The following VARS1 variants were observed in gnomAD, a reference collection of about 807,000 sequenced individuals.
VARS1 encodes valine--tRNA ligase.
A neutral mutation model predicts 161.0 loss-of-function variants in VARS1; 92 were observed. That is an observed-to-expected ratio of 0.57 (90% CI 0.48 to 0.68). The LOEUF (loss-of-function observed/expected upper bound fraction) is 0.68. Among genes scored for constraint, VARS1 ranks in the 30% least tolerant of loss-of-function variants. The pLI, the probability that VARS1 is intolerant of heterozygous loss-of-function variation, is 0.00. For missense variants in VARS1, 1,338 were observed against 1,695.9 expected, an observed-to-expected ratio of 0.79 and a Z score of 3.71; for synonymous variants, 595 against 682.5, an observed-to-expected ratio of 0.87 and a Z score of 2.00.
chr6:31,789,479 G>A (rs1813728043), intron 8 of VARS1, among the ~76,000 whole-genome samples: 1 of 152,138 alleles, frequency 6.6e-6, no homozygotes, highest in South Asian at 2.1e-4. Context: ...TAGCAAGGGT[G>A]GGGAAATGAA....
At position 31,791,798 on chromosome 6, in the gene VARS1, C is replaced by T; in HGVS notation, c.973-61G>A. ...TCAGGTCACCTCTCCCAGCCCCTCCCAGGCAACACATCCTTCAGTCCTGCC... is the reference window on the plus strand; with the variant it reads ...TCAGGTCACCTCTCCCAGCCCCTCCTAGGCAACACATCCTTCAGTCCTGCC... On this transcript the variant is annotated intron_variant, in intron 7 of 29. Transcript: ENST00000375663. The surrounding 1 kb of genome is among the most constrained non-coding windows in gnomAD (Gnocchi z 5.0). The T allele has an allele frequency of 6.2e-7, 1 of 1,613,016 alleles. No homozygotes were observed. The highest frequency in any genetic ancestry group is 8.5e-7 in the Non-Finnish European group (1 of 1,180,008).
Position 31,795,154 on chromosome 6 carries a change from C to A in VARS1, c.64G>T (p.Ala22Ser). Residue 22 changes from alanine (A) to serine (S), a missense_variant, in exon 2 of 30, where the codon GCT becomes TCT. Physicochemically the swap from Ala to Ser is moderately conservative, Grantham distance 99. Around this residue, in one of 3 missense-constraint regions of VARS1, gnomAD observed 902 missense variants for 1,090.3 expected, o/e 0.83. Transcript: ENST00000375663. This position sits in a 1 kb window ranked among gnomAD's most constrained non-coding sequence, Gnocchi z 6.9. The stretch of plus-strand genomic sequence containing the variant: ...CCCTCCCCAGCCTCCCCATAGCGAG[C>A]GGCTATGAGGGCTCGGAGGCTGGGG... Reference protein sequence around the residue: ...AFPSLRALIAARYGEAGEGPG... With the variant: ...AFPSLRALIASRYGEAGEGPG... The A allele has an allele frequency of 6.7e-7, 1 of 1,483,186 alleles. No individual in the cohort carries two copies. The highest frequency in any genetic ancestry group is 9.0e-7 in the Non-Finnish European group (1 of 1,116,754). 91.9% of individuals were successfully genotyped at this position (1,483,186 alleles called of 1,614,324 possible).
Position 31,782,649 on chromosome 6 carries a change from G to A in VARS1, c.1888-16C>T. The A allele has an allele frequency of 6.2e-7, 1 of 1,613,074 alleles. No homozygotes were observed. Among genetic ancestry groups the A allele is most frequent in the East Asian group, 2.2e-5 (1 of 44,886 alleles). ...TGGGCAGGCCCTGGGTAGGAATGAG[G>A]CCTCATCATGGCGATGCCCAGCCAT... On this transcript the variant is annotated splice_polypyrimidine_tract_variant and intron_variant, in intron 15 of 29. Coordinates refer to ENST00000375663, the MANE Select transcript of VARS1 (RefSeq NM_006295.3). The surrounding 1 kb of genome is among the most constrained non-coding windows in gnomAD (Gnocchi z 8.3).
chr6:31,791,500 G>A lies in VARS1; in HGVS notation c.1100+110C>T, dbSNP rs932208198. On this transcript the variant is annotated intron_variant, in intron 8 of 29. Transcript: ENST00000375663. The surrounding 1 kb of genome is among the most constrained non-coding windows in gnomAD (Gnocchi z 5.0). ...AGAGAGAAGTGTAGCACCACTGGGG[G>A]CAGAAGTGAGCACCAACCCAGAAGG... 2.1e-6 allele frequency: 3 copies of A among 1,428,238 alleles called. No homozygotes were observed. The highest frequency in any genetic ancestry group is 2.8e-6 in the Non-Finnish European group (3 of 1,071,398). The allele number at this position is 1,428,238 out of a possible 1,614,324, so 88.5% of individuals were successfully genotyped here. A position where few individuals can be genotyped will look rare whatever the true frequency, so the allele number is the denominator to read the frequency against.
chr6:31,787,066 A>G (rs1354311755), intron 8 of VARS1, among the ~76,000 whole-genome samples: 3 of 150,646 alleles, frequency 2.0e-5, no homozygotes, highest in African/African-American at 7.3e-5. Context: ...TCTCTGCAAA[A>G]AAAAAAAAAA....
rs780951526 is a variant in VARS1 at position 31,779,716 on chromosome 6, G to A, written c.3180C>T (p.Leu1060=). Residue 1060 remains leucine, a synonymous_variant, in exon 27 of 30, where the codon CTC becomes CTT. Coordinates refer to ENST00000375663, the MANE Select transcript of VARS1 (RefSeq NM_006295.3). This position sits in a 1 kb window ranked among gnomAD's most constrained non-coding sequence, Gnocchi z 9.1. ...CCGTCACGAAGGGCATGAAGGGTGA[G>A]AGCAGCCGCAGGCCAACGTCCAGGC... ...YTCLDVGLRL[L]SPFMPFVTEE... 6.2e-7 allele frequency: 1 copy of A among 1,613,000 alleles called. No individual in the cohort carries two copies. The highest frequency in any genetic ancestry group is 1.7e-5 in the Admixed American group (1 of 60,020).
chr6:31,778,614 A>G lies in VARS1; in HGVS notation c.3726+353T>C, dbSNP rs956353115. Among the ~76,000 whole-genome samples, 1 of 151,990 alleles carries G rather than the reference A, an allele frequency of 6.6e-6. No individual in the cohort carries two copies. The highest frequency in any genetic ancestry group is 2.4e-5 in the African/African-American group (1 of 41,380). On this transcript the variant is annotated intron_variant, in intron 29 of 29. Transcript: ENST00000375663. This position sits in a 1 kb window ranked among gnomAD's most constrained non-coding sequence, Gnocchi z 5.1. ...AGTCTTGACCTCCCAGGCTCAAGCA[A>G]TCCGCCCACCTCAGCCCCCCGAGTA...
Position 31,782,541 on chromosome 6 carries a change from C to T in VARS1, c.1980G>A (p.Val660=), listed in dbSNP as rs1268579938. 2 of 1,612,930 alleles carry T rather than the reference C, an allele frequency of 1.2e-6. No homozygotes were observed. Among genetic ancestry groups the T allele is most frequent in the African/African-American group, 2.7e-5 (2 of 74,940 alleles). The part of the protein sequence containing the change: ...FRGIEDNPMV[V]PLCNRSKDVV... The stretch of plus-strand genomic sequence containing the variant: ...GCCCCCACCCTCACTTGCAAAGTGG[C>T]ACCACCATGGGGTTGTCCTCAATGC... The change falls in exon 16 of 30, where the codon GTG becomes GTA. Residue 660 remains valine, a synonymous_variant. Transcript: ENST00000375663. This position sits in a 1 kb window ranked among gnomAD's most constrained non-coding sequence, Gnocchi z 8.3.
chr6:31,785,345 G>A lies in VARS1; in HGVS notation c.1266-18C>T. The A allele has an allele frequency of 6.2e-7, 1 of 1,612,952 alleles. No homozygotes were observed. On this transcript the variant is annotated intron_variant, in intron 9 of 29. Transcript: ENST00000375663. This position sits in a 1 kb window ranked among gnomAD's most constrained non-coding sequence, Gnocchi z 6.1. The stretch of plus-strand genomic sequence containing the variant: ...CACCTTTCCTGGAAGCAGACAGGCT[G>A]AGGTCAGCACTCGTGCCTGGGCTAG...
intron 8 of VARS1, among the ~76,000 whole-genome samples, chr6:31,790,024 C>T (rs974661824): frequency 6.0e-5 from 9 of 149,784 alleles, no homozygotes; most frequent in African/African-American, 1.5e-4. Context: ...GTGCAAGACC[C>T]GTCTCAAAAA....
chr6:31,785,336 A>T lies in VARS1; in HGVS notation c.1266-9T>A. 1 of 1,613,056 alleles carries T rather than the reference A, an allele frequency of 6.2e-7. No individual in the cohort carries two copies. Among genetic ancestry groups the T allele is most frequent in the Non-Finnish European group, 8.5e-7 (1 of 1,180,024 alleles). ...AAATCCGGTCACCTTTCCTGGAAGCAGACAGGCTGAGGTCAGCACTCGTGC... is the reference window on the plus strand; with the variant it reads ...AAATCCGGTCACCTTTCCTGGAAGCTGACAGGCTGAGGTCAGCACTCGTGC... On this transcript the variant is annotated splice_polypyrimidine_tract_variant and intron_variant, in intron 9 of 29. Coordinates refer to ENST00000375663, the MANE Select transcript of VARS1 (RefSeq NM_006295.3). This position sits in a 1 kb window ranked among gnomAD's most constrained non-coding sequence, Gnocchi z 6.1.
In VARS1 at chr6:31,780,336, GTCTGTC is replaced by G. The variant is rs1813052986; in HGVS notation, c.2925+99_2925+104del. On this transcript the variant is annotated intron_variant, in intron 25 of 29. Coordinates refer to ENST00000375663, the MANE Select transcript of VARS1 (RefSeq NM_006295.3). This position sits in a 1 kb window ranked among gnomAD's most constrained non-coding sequence, Gnocchi z 5.1. ...AATGCGCTGGGCTTTCCCTTTAACT[GTCTGTC>G]TCTGTGTCTATCTGTCCCCCCAGCT... 6.6e-7 allele frequency: 1 copy of G among 1,506,440 alleles called. No individual in the cohort carries two copies. Among genetic ancestry groups the G allele is most frequent in the South Asian group, 1.3e-5 (1 of 74,700 alleles). The allele number at this position is 1,506,440 out of a possible 1,614,324, so 93.3% of individuals were successfully genotyped here.
chr6:31,785,663 C>T lies in VARS1; in HGVS notation c.1171G>A (p.Val391Met), dbSNP rs1813451892. ...CDHAGIATQV[V>M]VEKKLWREQG... is the part of the protein sequence containing the mutation. ...TCACGCCATAGCTTCTTCTCCACCA[C>T]CACCTGGGTGGCAATACCTGCATGG... Residue 391 changes from valine (V) to methionine (M), a missense_variant, in exon 9 of 30, where the codon GTG becomes ATG. Physicochemically the swap from Val to Met is conservative, Grantham distance 21 (BLOSUM62 1). Transcript: ENST00000375663. This position sits in a 1 kb window ranked among gnomAD's most constrained non-coding sequence, Gnocchi z 6.1. 2 of 1,612,900 alleles carry T rather than the reference C, an allele frequency of 1.2e-6. No homozygotes were observed. Among genetic ancestry groups the T allele is most frequent in the Non-Finnish European group, 8.5e-7 (1 of 1,180,048 alleles).
At chr6:31,783,278 G>C in intron 13 of VARS1, 92 bp from the exon 14 acceptor site, 1 of 1,369,944 alleles carries the variant, frequency 7.3e-7, no homozygotes, top group Non-Finnish European at 1.0e-6. Context: ...GCTGAGGTGG[G>C]CAGATCACTT....
In VARS1 at chr6:31,781,532, G is replaced by A. The variant is rs566706434; in HGVS notation, c.2493C>T (p.Ala831=). 6.2e-7 allele frequency: 1 copy of A among 1,613,000 alleles called. No individual in the cohort carries two copies. Among genetic ancestry groups the A allele is most frequent in the East Asian group, 2.2e-5 (1 of 44,882 alleles). The change falls in exon 21 of 30, where the codon GCC becomes GCT. Residue 831 remains alanine (A), a synonymous_variant. Transcript: ENST00000375663. This position sits in a 1 kb window ranked among gnomAD's most constrained non-coding sequence, Gnocchi z 6.8. ...TGHDILFFWV[A]RMVMLGLKLT... is the part of the protein sequence containing the mutation. Reference sequence around the variant, plus strand: ...GCTTCAGGCCCAGCATGACCATCCGGGCCACCCAGAAGAAGAGGATGTCAT... The same window carrying A: ...GCTTCAGGCCCAGCATGACCATCCGAGCCACCCAGAAGAAGAGGATGTCAT...
rs1813427761 is a variant in VARS1, at chr6:31,785,360, G to A, written c.1266-33C>T. On this transcript the variant is annotated intron_variant, in intron 9 of 29. Coordinates refer to ENST00000375663, the MANE Select transcript of VARS1 (RefSeq NM_006295.3). The surrounding 1 kb of genome is among the most constrained non-coding windows in gnomAD (Gnocchi z 6.1). The stretch of plus-strand genomic sequence containing the variant: ...CAGACAGGCTGAGGTCAGCACTCGT[G>A]CCTGGGCTAGAGGGAGACATCAGGT... The A allele has an allele frequency of 1.2e-6, 2 of 1,611,958 alleles. No homozygotes were observed. The highest frequency in any genetic ancestry group is 1.3e-5 in the African/African-American group (1 of 74,898).
At position 31,779,422 on chromosome 6, in the gene VARS1, C is replaced by T. The variant is rs369576191; in HGVS notation, c.3400+3G>A. ...GGGGCGGACATGGGGGCCTGAGGCTCACAGTCAGGCCGGATCCGGGTGAGG... is the reference window on the plus strand; with the variant it reads ...GGGGCGGACATGGGGGCCTGAGGCTTACAGTCAGGCCGGATCCGGGTGAGG... On this transcript the variant is annotated splice_donor_region_variant and intron_variant, in intron 28 of 29. Transcript: ENST00000375663. This position sits in a 1 kb window ranked among gnomAD's most constrained non-coding sequence, Gnocchi z 9.1. 6.2e-7 allele frequency: 1 copy of T among 1,611,030 alleles called. No individual in the cohort carries two copies. Among genetic ancestry groups the T allele is most frequent in the Non-Finnish European group, 8.5e-7 (1 of 1,179,870 alleles).
chr6:31,785,642 G>C lies in VARS1; in HGVS notation c.1192C>G (p.Arg398Gly), dbSNP rs771582528. Residue 398 changes from arginine to glycine, a missense_variant, in exon 9 of 30, where the codon CGT becomes GGT. Arg to Gly is a moderately radical substitution (Grantham distance 125). Transcript: ENST00000375663. This position sits in a 1 kb window ranked among gnomAD's most constrained non-coding sequence, Gnocchi z 6.1. ...TQVVVEKKLW[R>G]EQGLSRHQLG... ...TGGTGCCGGCTCAGTCCCTGCTCAC[G>C]CCATAGCTTCTTCTCCACCACCACC... 1.2e-6 allele frequency: 2 copies of C among 1,612,848 alleles called. No individual in the cohort carries two copies. The highest frequency in any genetic ancestry group is 1.7e-6 in the Non-Finnish European group (2 of 1,180,022).
chr6:31,783,488 C>T lies in VARS1; in HGVS notation c.1672-302G>A, dbSNP rs144343128. ...TGGTGCCACTGCACTCTAGCCTGGGCGATAGAGTGAGACCCTCTCTCAAAA... is the reference window on the plus strand; with the variant it reads ...TGGTGCCACTGCACTCTAGCCTGGGTGATAGAGTGAGACCCTCTCTCAAAA... On this transcript the variant is annotated intron_variant, in intron 13 of 29. Transcript: ENST00000375663. Among the ~76,000 whole-genome samples the T allele has an allele frequency of 8.6e-3, 1,306 of 151,944 alleles. 7 individuals carry two copies. Among genetic ancestry groups the T allele is most frequent in the South Asian group, 0.035 (169 of 4,796 alleles).
Sources: gnomAD v4.1 joint callset for allele counts (sites outside exome capture counted in the v4.1 genomes callset) on GRCh38, gnomAD v4.1.1 for gene constraint, gnomAD v4.1.1 regional missense constraint, Gnocchi (gnomAD v3.1) non-coding constraint, MANE v1.5 for transcripts, NCBI Gene and HGNC (gene_info 2026-07-23, HGNC 2026-07-21) for gene names.